The following C5orf22 variants were observed in gnomAD, a reference collection of about 807,000 sequenced individuals.
C5orf22 encodes the protein UPF0489 protein C5orf22.
Under a neutral mutation model 48.7 loss-of-function variants are expected in C5orf22, and 36 were observed. That is an observed-to-expected ratio of 0.74 (90% CI 0.57 to 0.98). The LOEUF is 0.98. Ranked by LOEUF, C5orf22 falls within the 50% of genes least tolerant of loss-of-function variation. C5orf22 has a pLI of 0.00. For synonymous variants in C5orf22, 141 were observed against 180.8 expected, an observed-to-expected ratio of 0.78 and a Z score of 1.76; for missense variants, 486 against 521.9, an observed-to-expected ratio of 0.93 and a Z score of 0.67.
chr5:31,547,754 C>T (rs1236865288), intron 7 of C5orf22, among the ~76,000 whole-genome samples: 1 of 152,186 alleles, frequency 6.6e-6, no homozygotes, highest in East Asian at 1.9e-4. Context: ...GCACTGGGAC[C>T]CTGGGCCCTG....
rs1292624715 is a variant in C5orf22 at position 31,541,021 on chromosome 5, A to C, written c.870+10A>C. ...CACCAACCTAACAGAGGTATCCTCC[A>C]TTTGTTTCTTTGGGGTTTTATTCAT... On this transcript the variant is annotated intron_variant, in intron 5 of 8. Transcript: ENST00000325366. 3.1e-6 allele frequency: 5 copies of C among 1,598,694 alleles called. No individual in the cohort carries two copies. Among genetic ancestry groups the C allele is most frequent in the Non-Finnish European group, 4.3e-6 (5 of 1,168,918 alleles).
chr5:31,538,754 C>A, intron 4 of C5orf22, 65 bp downstream of exon 4: 3 of 1,218,656 alleles, frequency 2.5e-6, no homozygotes, highest in South Asian at 3.0e-5. Context: ...AGATGAGGAA[C>A]CAGCAAACTC....
intron 4 of C5orf22, 80 bp from the exon 5 acceptor site, chr5:31,540,869 T>A: frequency 2.0e-6 from 2 of 989,622 alleles, no homozygotes; most frequent in South Asian, 2.8e-5. Flanking sequence ...CAAGGAAGGT[T>A]GTCTCTTCCT....
rs879637445 is a variant in C5orf22, at chr5:31,553,975, T to C, written c.*1073T>C. 3.3e-5 allele frequency: 5 copies of C among 152,142 alleles called. No individual in the cohort carries two copies. Among genetic ancestry groups the C allele is most frequent in the Non-Finnish European group, 4.4e-5 (3 of 68,026 alleles). The allele number at this position is 152,142 out of a possible 1,614,324, so 9.4% of individuals were successfully genotyped here. A position where few individuals can be genotyped will look rare whatever the true frequency, so the allele number is the denominator to read the frequency against. On this transcript the variant is annotated 3_prime_UTR_variant, in exon 9 of 9. Coordinates refer to ENST00000325366, the MANE Select transcript of C5orf22 (RefSeq NM_018356.3). ...GTAAAGAGTAAGGGAAAAAGTTAAA[T>C]CTTTAATTCTGACCTGCCATAAATA...
At chr5:31,544,508 T>G (rs1466760665) in intron 6 of C5orf22, among the ~76,000 whole-genome samples, 1 of 150,586 alleles carries the variant, frequency 6.6e-6, no homozygotes, top group Non-Finnish European at 1.5e-5. Context: ...GGCGTGAACC[T>G]GGAAGGCGGA....
intron 4 of C5orf22, among the ~76,000 whole-genome samples, chr5:31,540,081 G>T (rs1445699809): frequency 1.3e-5 from 2 of 152,222 alleles, no homozygotes; most frequent in East Asian, 3.9e-4. Context: ...AGTTAGGGGA[G>T]TTAAGTTCTG....
At chr5:31,540,120 T>C (rs1409730579) in intron 4 of C5orf22, among the ~76,000 whole-genome samples, 3 of 152,222 alleles carry the variant, frequency 2.0e-5, no homozygotes, top group African/African-American at 7.2e-5. Flanking sequence ...ATTAGCTATA[T>C]GATCTTAGGA....
In C5orf22 at chr5:31,553,057, T is replaced by C. The variant is rs1743384382; in HGVS notation, c.*155T>C. ...TGAATCTCTGAACAACCATTGTCAG[T>C]TGTGAATGATGGTAAATTTTTTGGC... On this transcript the variant is annotated 3_prime_UTR_variant, in exon 9 of 9. Transcript: ENST00000325366. 3.0e-6 allele frequency: 2 copies of C among 666,910 alleles called. No homozygotes were observed. The highest frequency in any genetic ancestry group is 6.0e-5 in the South Asian group (2 of 33,076). The allele number at this position is 666,910 out of a possible 1,614,324, so 41.3% of individuals were successfully genotyped here. A position where few individuals can be genotyped will look rare whatever the true frequency, so the allele number is the denominator to read the frequency against.
intron 2 of C5orf22, among the ~76,000 whole-genome samples, chr5:31,534,808 C>G (rs1345635377): frequency 6.6e-6 from 1 of 152,162 alleles, no homozygotes; most frequent in African/African-American, 2.4e-5. Flanking sequence ...GCCAGCAGTT[C>G]CAGGCTGTGA....
chr5:31,540,847 G>A lies in C5orf22; in HGVS notation c.808-102G>A, dbSNP rs13183199. ...ATACCTTTAAATAATTATCTAAGATGTTCTTGTATCACAAGGAAGGTTGTC... is the reference window on the plus strand; with the variant it reads ...ATACCTTTAAATAATTATCTAAGATATTCTTGTATCACAAGGAAGGTTGTC... On this transcript the variant is annotated intron_variant, in intron 4 of 8. Coordinates refer to ENST00000325366, the MANE Select transcript of C5orf22 (RefSeq NM_018356.3). 68 of 797,472 alleles carry A rather than the reference G, an allele frequency of 8.5e-5. 4 individuals are homozygous for A. The South Asian group carries it at 9.8e-4, about 12-fold the overall frequency. The allele number at this position is 797,472 out of a possible 1,614,324, so 49.4% of individuals were successfully genotyped here.
At position 31,534,284 on chromosome 5, in the gene C5orf22, A is replaced by G. The variant is rs1035582092; in HGVS notation, c.94A>G (p.Ile32Val). 1.9e-6 allele frequency: 3 copies of G among 1,613,084 alleles called. No homozygotes were observed. In the African/African-American group the frequency reaches 4.0e-5, roughly 22 times the overall value. The change falls in exon 2 of 9, where the codon ATA (isoleucine) becomes GTA (valine). Residue 32 changes from isoleucine (I) to valine (V), a missense_variant. Around this residue, in one of 3 missense-constraint regions of C5orf22, gnomAD observed 74 missense variants for 61.2 expected, o/e 1.21. Coordinates refer to ENST00000325366, the MANE Select transcript of C5orf22 (RefSeq NM_018356.3). ...VEDHQEVLPF[I>V]YRAIGSKHLP... ...GTGTCTTTTACAGGTTCTACCCTTTATATACCGGGCCATAGGCTCAAAGCA... is the reference window on the plus strand; with the variant it reads ...GTGTCTTTTACAGGTTCTACCCTTTGTATACCGGGCCATAGGCTCAAAGCA...
At chr5:31,549,784 G>C (rs144016945) in intron 7 of C5orf22, among the ~76,000 whole-genome samples, 1,772 of 152,230 alleles carry the variant, frequency 0.012, 25 homozygotes, top group Middle Eastern at 0.024. Flanking sequence ...GCTGAGGCAG[G>C]AGGATTGCTT....
rs1741941803 is a variant in C5orf22 at position 31,534,285 on chromosome 5, T to C, written c.95T>C (p.Ile32Thr). Residue 32 changes from isoleucine (I) to threonine (T), a missense_variant, in exon 2 of 9, where the codon ATA (isoleucine) becomes ACA (threonine). By Grantham distance (89) the Ile-to-Thr change is moderately conservative (BLOSUM62 -1). Around this residue, in one of 3 missense-constraint regions of C5orf22, gnomAD observed 74 missense variants for 61.2 expected, o/e 1.21. Transcript: ENST00000325366. The stretch of plus-strand genomic sequence containing the variant: ...TGTCTTTTACAGGTTCTACCCTTTA[T>C]ATACCGGGCCATAGGCTCAAAGCAT... The part of the protein sequence containing the change: ...VEDHQEVLPF[I>T]YRAIGSKHLP... 23 of 1,613,222 alleles carry C rather than the reference T, an allele frequency of 1.4e-5. No homozygotes were observed. Among genetic ancestry groups the C allele is most frequent in the Non-Finnish European group, 1.9e-5 (22 of 1,179,708 alleles).
rs965633686 is a variant in C5orf22, at chr5:31,538,141, A to T, written c.378-119A>T. On this transcript the variant is annotated intron_variant, in intron 3 of 8. Coordinates refer to ENST00000325366, the MANE Select transcript of C5orf22 (RefSeq NM_018356.3). The stretch of plus-strand genomic sequence containing the variant: ...CTACAGAAGAACAGGAAGTATAAAT[A>T]CTAGAGACTGCTCTCAGTTTTTGTC... 73 of 729,946 alleles carry T rather than the reference A, an allele frequency of 1.0e-4. No homozygotes were observed. In the African/African-American group the frequency reaches 1.2e-3, roughly 12 times the overall value. 45.2% of individuals were successfully genotyped at this position (729,946 alleles called of 1,614,324 possible). A position where few individuals can be genotyped will look rare whatever the true frequency, so the allele number is the denominator to read the frequency against.
intron 3 of C5orf22, among the ~76,000 whole-genome samples, chr5:31,536,821 C>G (rs1331369336): frequency 1.3e-5 from 2 of 152,050 alleles, no homozygotes; most frequent in Admixed American, 6.6e-5. Context: ...CTTTAAAATT[C>G]TCTTGTGATG....
chr5:31,547,241 G>A (rs1003119779), intron 7 of C5orf22, among the ~76,000 whole-genome samples: 6 of 152,370 alleles, frequency 3.9e-5, no homozygotes, highest in Middle Eastern at 3.4e-3. Flanking sequence ...AGGTGGGTTC[G>A]CATTGTCTTG....
Position 31,532,442 on chromosome 5 carries a change from T to C in C5orf22, c.50T>C (p.Leu17Pro). ...GCTGGTCTCCGGCGTTACCCCAAGCTCCCAGTGTGGGTGGTGGAGGATCAT... is the reference window on the plus strand; with the variant it reads ...GCTGGTCTCCGGCGTTACCCCAAGCCCCCAGTGTGGGTGGTGGAGGATCAT... ...GRAGLRRYPK[L>P]PVWVVEDHQE... The change falls in exon 1 of 9, where the codon CTC (leucine) becomes CCC (proline). Residue 17 changes from leucine (L) to proline (P), a missense_variant. Transcript: ENST00000325366. 6.2e-7 allele frequency: 1 copy of C among 1,613,762 alleles called. No homozygotes were observed. Among genetic ancestry groups the C allele is most frequent in the South Asian group, 1.1e-5 (1 of 91,064 alleles).
chr5:31,536,696 A>T (rs1227975246), intron 3 of C5orf22, among the ~76,000 whole-genome samples: 1 of 152,358 alleles, frequency 6.6e-6, no homozygotes, highest in African/African-American at 2.4e-5. Context: ...AGTAAATTAC[A>T]GTATCCTCTG....
chr5:31,554,029 C>T lies in C5orf22; in HGVS notation c.*1127C>T, dbSNP rs938825868. 1.3e-5 allele frequency: 2 copies of T among 152,094 alleles called. No individual in the cohort carries two copies. Among genetic ancestry groups the T allele is most frequent in the Admixed American group, 1.3e-4 (2 of 15,276 alleles). The allele number at this position is 152,094 out of a possible 1,614,324, so 9.4% of individuals were successfully genotyped here. A position where few individuals can be genotyped will look rare whatever the true frequency, so the allele number is the denominator to read the frequency against. ...AAAGATATAAACTGTCTTCCACCAC[C>T]CCCCTCATAACTAAGACATCCTTCC... On this transcript the variant is annotated 3_prime_UTR_variant, in exon 9 of 9. Coordinates refer to ENST00000325366, the MANE Select transcript of C5orf22 (RefSeq NM_018356.3).
Sources: gnomAD v4.1 joint callset for allele counts (sites outside exome capture counted in the v4.1 genomes callset) on GRCh38, gnomAD v4.1.1 for gene constraint, gnomAD v4.1.1 regional missense constraint, MANE v1.5 for transcripts, NCBI Gene and HGNC (gene_info 2026-07-23, HGNC 2026-07-21) for gene names.